Variants in ASIC2 observed in about 807,000 individuals in gnomAD.
ASIC2 encodes acid sensing ion channel subunit 2.
ASIC2 carries 25 observed loss-of-function variants against 57.3 expected under a neutral mutation model. That is an observed-to-expected ratio of 0.44 (90% CI 0.32 to 0.61). ASIC2 has a LOEUF of 0.61. Ranked by LOEUF, ASIC2 falls within the 20% of genes least tolerant of loss-of-function variation. The probability of loss-of-function intolerance (pLI) is 0.06; values close to 1 mark genes in which losing one functional copy is unlikely to be tolerated. For missense variants in ASIC2, 641 were observed against 738.1 expected (o/e 0.87, Z 1.52); for synonymous variants, 319 against 307.5 (o/e 1.04, Z -0.39).
At chr17:33,159,069 G>T (rs1276075797) in intron 1 of ASIC2, among the ~76,000 whole-genome samples, 1 of 152,180 alleles carries the variant, frequency 6.6e-6, no homozygotes, top group African/African-American at 2.4e-5. Flanking sequence ...GAGAGCATTG[G>T]CAGTGTTGTC....
At chr17:33,767,285 C>T (rs140954412) in intron 1 of ASIC2, among the ~76,000 whole-genome samples, 5 of 152,294 alleles carry the variant, frequency 3.3e-5, no homozygotes, top group South Asian at 4.1e-4. Context: ...ATTTCCTGTG[C>T]GCTGCAGAGT....
intron 1 of ASIC2, among the ~76,000 whole-genome samples, chr17:33,726,121 A>C (rs551665183): frequency 6.6e-6 from 1 of 152,246 alleles, no homozygotes; most frequent in South Asian, 2.1e-4. Flanking sequence ...TTTCCATTTG[A>C]ATTTTGTGCT....
chr17:33,865,343 C>T (rs1469201874), intron 1 of ASIC2, among the ~76,000 whole-genome samples: 1 of 152,142 alleles, frequency 6.6e-6, no homozygotes, highest in Non-Finnish European at 1.5e-5. Context: ...TGTTTCCTTC[C>T]TTTTTCACAA....
chr17:33,981,275 C>T (rs1905613059), intron 1 of ASIC2, among the ~76,000 whole-genome samples: 2 of 152,136 alleles, frequency 1.3e-5, no homozygotes, highest in Admixed American at 6.6e-5. Flanking sequence ...ATGAGTTCTT[C>T]CTAATAAACC....
chr17:33,104,010 G>A (rs909834765), intron 2 of ASIC2, among the ~76,000 whole-genome samples: 2 of 152,130 alleles, frequency 1.3e-5, no homozygotes, highest in African/African-American at 4.8e-5. Flanking sequence ...TCCTGTCTGG[G>A]GGTTCTCAAA....
chr17:33,060,755 A>G (rs1172726221), intron 3 of ASIC2, among the ~76,000 whole-genome samples: 1 of 152,186 alleles, frequency 6.6e-6, no homozygotes, highest in Admixed American at 6.5e-5. Context: ...CTTGGGCAGT[A>G]TGGCCATTTT....
intron 1 of ASIC2, among the ~76,000 whole-genome samples, chr17:34,128,359 G>A (rs1911850551): frequency 6.6e-6 from 1 of 152,016 alleles, no homozygotes; most frequent in South Asian, 2.1e-4. Flanking sequence ...GGCAAAGCAG[G>A]TGAAGCTGTT....
chr17:33,235,629 C>T (rs1008714778), intron 1 of ASIC2, among the ~76,000 whole-genome samples: 1 of 152,086 alleles, frequency 6.6e-6, no homozygotes, highest in Non-Finnish European at 1.5e-5. Context: ...TCAGAGGAGC[C>T]CTCTGTGCTG....
chr17:33,057,698 C>G (rs181706766), intron 3 of ASIC2, among the ~76,000 whole-genome samples: 64 of 152,342 alleles, frequency 4.2e-4, no homozygotes, highest in African/African-American at 1.5e-3. Context: ...CTGGAAACCC[C>G]GTGGAATGGT....
intron 3 of ASIC2, among the ~76,000 whole-genome samples, chr17:33,029,979 A>G (rs967333365): frequency 6.6e-6 from 1 of 152,058 alleles, no homozygotes; most frequent in Admixed American, 6.5e-5. Context: ...TTTAACTTTT[A>G]CTTTTGGGTT....
At chr17:34,089,536 G>A (rs1910246900) in intron 1 of ASIC2, among the ~76,000 whole-genome samples, 1 of 152,172 alleles carries the variant, frequency 6.6e-6, no homozygotes, top group Non-Finnish European at 1.5e-5. Context: ...TGGCAATCCT[G>A]TGAACTCCAA....
At chr17:33,214,060 G>T (rs998213660) in intron 1 of ASIC2, among the ~76,000 whole-genome samples, 1 of 149,580 alleles carries the variant, frequency 6.7e-6, no homozygotes, top group Admixed American at 6.7e-5. Flanking sequence ...CAAGTGTGGG[G>T]TTAAGTTCTT....
At chr17:33,933,859 A>T (rs778109573) in intron 1 of ASIC2, among the ~76,000 whole-genome samples, 1 of 152,232 alleles carries the variant, frequency 6.6e-6, no homozygotes, top group Non-Finnish European at 1.5e-5. Context: ...TGCACGAAAC[A>T]GGCCTTAGAG....
rs150592728 is a variant in ASIC2, at chr17:33,088,878, G to A, written c.972C>T (p.Ala324=). ...GVAPGFQTFV[A]TQEQRLTYLP... is the part of the protein sequence containing the mutation. ...GGGAACTTACCCTCTGCTCCTGTGTGGCCACAAAGGTCTGGAACCCTGGAG... is the reference window on the plus strand; with the variant it reads ...GGGAACTTACCCTCTGCTCCTGTGTAGCCACAAAGGTCTGGAACCCTGGAG... The change falls in exon 3 of 10, where the codon GCC becomes GCT. Residue 324 remains alanine (A), a synonymous_variant. Transcript: ENST00000225823. The A allele has an allele frequency of 9.9e-6, 16 of 1,613,208 alleles. 1 individual carries two copies. The South Asian group carries it at 1.2e-4, about 12-fold the overall frequency.
chr17:33,735,601 A>AAC, intron 1 of ASIC2, among the ~76,000 whole-genome samples: 1 of 152,226 alleles, frequency 6.6e-6, no homozygotes, highest in East Asian at 1.9e-4. Context: ...TAATCAGGCA[A>AAC]AGACCCAGCA....
intron 3 of ASIC2, among the ~76,000 whole-genome samples, chr17:33,073,127 G>A (rs776868066): frequency 6.6e-6 from 1 of 152,188 alleles, no homozygotes; most frequent in Non-Finnish European, 1.5e-5. Flanking sequence ...GGAATAGCCG[G>A]GAGCAAAATC....
chr17:33,925,987 C>T (rs1915814637), intron 1 of ASIC2, among the ~76,000 whole-genome samples: 1 of 152,208 alleles, frequency 6.6e-6, no homozygotes, highest in Non-Finnish European at 1.5e-5. Flanking sequence ...AAGGCTCTAA[C>T]TCTAATAAAT....
intron 1 of ASIC2, among the ~76,000 whole-genome samples, chr17:33,713,883 A>C (rs56722481): frequency 0.021 from 3,240 of 152,314 alleles, 103 homozygotes; most frequent in African/African-American, 0.075. Context: ...AGCTAAGGCA[A>C]AGACATCAAA....
intron 1 of ASIC2, among the ~76,000 whole-genome samples, chr17:33,731,819 G>A (rs1353228190): frequency 6.6e-6 from 1 of 152,156 alleles, no homozygotes; most frequent in Non-Finnish European, 1.5e-5. Context: ...TGGGCCTTTG[G>A]GAAGGCTGGC....
Sources: gnomAD v4.1 joint callset for allele counts (sites outside exome capture counted in the v4.1 genomes callset) on GRCh38, gnomAD v4.1.1 for gene constraint, MANE v1.5 for transcripts, NCBI Gene and HGNC (gene_info 2026-07-23, HGNC 2026-07-21) for gene names.